GALNT13: variants seen among roughly 807,000 people sequenced by gnomAD.
GALNT13 encodes polypeptide N-acetylgalactosaminyltransferase 13.
Under a neutral mutation model 64.2 loss-of-function variants are expected in GALNT13, and 28 were observed. That is an observed-to-expected ratio of 0.44 (90% confidence interval 0.32 to 0.60). The LOEUF (loss-of-function observed/expected upper bound fraction) is 0.60. Ranked by LOEUF, GALNT13 falls within the 20% of genes least tolerant of loss-of-function variation. The pLI is 0.05. For missense variants in GALNT13, 577 were observed against 669.8 expected (o/e 0.86, Z 1.53); for synonymous variants, 214 against 224.6 (o/e 0.95, Z 0.42).
At chr2:154,244,900 C>T (rs1482530891) in intron 6 of GALNT13, among the ~76,000 whole-genome samples, 2 of 151,988 alleles carry the variant, frequency 1.3e-5, no homozygotes, top group African/African-American at 2.4e-5. Flanking sequence ...GCAGGTGGAT[C>T]ACCTGAGGTC....
chr2:153,085,807 G>A, the GALNT13 span, among the ~76,000 whole-genome samples: 1 of 152,088 alleles, frequency 6.6e-6, no homozygotes, highest in Admixed American at 6.5e-5. Flanking sequence ...TGTGAGAAGA[G>A]GGCCACTATT....
chr2:154,431,579 T>C (rs1174519360), intron 11 of GALNT13, among the ~76,000 whole-genome samples: 1 of 152,160 alleles, frequency 6.6e-6, no homozygotes, highest in Non-Finnish European at 1.5e-5. Flanking sequence ...TTGGACATTC[T>C]CCCTAAAAAG....
chr2:153,086,250 G>A, the GALNT13 span, among the ~76,000 whole-genome samples: 2 of 152,262 alleles, frequency 1.3e-5, no homozygotes, highest in Non-Finnish European at 2.9e-5. Context: ...GGACTTTTGA[G>A]TTAATGCTGA....
At chr2:153,143,028 G>A in the GALNT13 span, among the ~76,000 whole-genome samples, 12 of 151,880 alleles carry the variant, frequency 7.9e-5, no homozygotes, top group Admixed American at 7.9e-4. Context: ...AGCTTCAAAG[G>A]TGTGAATGGA....
rs1574332443 is a variant in GALNT13 at position 154,448,530 on chromosome 2, C to T, written c.1531-1881C>T. On this transcript the variant is annotated intron_variant, in intron 12 of 12. Coordinates refer to ENST00000392825, the MANE Select transcript of GALNT13 (RefSeq NM_052917.4). ...TGAGTCTAAAAGGTCTGGTTTTCCACTGCACTACATTATAAAGGAGAAGTA... is the reference window on the plus strand; with the variant it reads ...TGAGTCTAAAAGGTCTGGTTTTCCATTGCACTACATTATAAAGGAGAAGTA... Among the ~76,000 whole-genome samples, 2 of 152,034 alleles carry T rather than the reference C, an allele frequency of 1.3e-5. 1 individual carries two copies. The highest frequency in any genetic ancestry group is 4.1e-4 in the South Asian group (2 of 4,832).
chr2:153,187,798 G>A, the GALNT13 span, among the ~76,000 whole-genome samples: 3 of 152,188 alleles, frequency 2.0e-5, no homozygotes, highest in Non-Finnish European at 2.9e-5. Flanking sequence ...AGAAAATTAC[G>A]ATTCTGTATA....
chr2:153,821,459 C>T, the GALNT13 span, among the ~76,000 whole-genome samples: 1 of 152,064 alleles, frequency 6.6e-6, no homozygotes, highest in Non-Finnish European at 1.5e-5. Flanking sequence ...CACACAATTA[C>T]ATGCAAATTA....
the GALNT13 span, among the ~76,000 whole-genome samples, chr2:153,786,693 G>A: frequency 6.6e-6 from 1 of 151,934 alleles, no homozygotes; most frequent in Non-Finnish European, 1.5e-5. Flanking sequence ...CCCACTGGCT[G>A]AACACTCCCA....
At chr2:153,338,626 G>T in the GALNT13 span, among the ~76,000 whole-genome samples, 2 of 152,016 alleles carry the variant, frequency 1.3e-5, no homozygotes, top group Non-Finnish European at 2.9e-5. Flanking sequence ...TTTTGTGGTT[G>T]GAAGAACACT....
the GALNT13 span, among the ~76,000 whole-genome samples, chr2:153,842,371 A>G: frequency 1.2e-4 from 18 of 152,194 alleles, no homozygotes; most frequent in Non-Finnish European, 4.4e-5. Flanking sequence ...GGCTGGTGAG[A>G]AAAATATTGG....
intron 3 of GALNT13, among the ~76,000 whole-genome samples, chr2:154,119,774 TC>T (rs1236668187): frequency 6.6e-6 from 1 of 152,202 alleles, no homozygotes; most frequent in Non-Finnish European, 1.5e-5. Context: ...CCTATCTGAT[TC>T]TTTTTTATTG....
At chr2:153,458,841 T>C in the GALNT13 span, among the ~76,000 whole-genome samples, 1 of 152,208 alleles carries the variant, frequency 6.6e-6, no homozygotes, top group East Asian at 1.9e-4. Flanking sequence ...TGAAGTTTGC[T>C]CCAACAATTT....
chr2:154,410,178 A>ATGATTCCATTTATTGTTTCAC (rs1226515719), intron 11 of GALNT13, among the ~76,000 whole-genome samples: 1 of 151,974 alleles, frequency 6.6e-6, no homozygotes, highest in Non-Finnish European at 1.5e-5. Flanking sequence ...GCATTCAGAA[A>ATGATTCCATTTATTGTTTCAC]TGATTCCATT....
At chr2:153,421,136 A>C in the GALNT13 span, 1 of 256,656 alleles carries the variant, frequency 3.9e-6, no homozygotes, top group South Asian at 5.2e-5. Flanking sequence ...GCTCAAAGTG[A>C]GCACTGGTGA....
intron 9 of GALNT13, among the ~76,000 whole-genome samples, chr2:154,308,038 T>C (rs1693836090): frequency 6.6e-6 from 1 of 152,188 alleles, no homozygotes; most frequent in Non-Finnish European, 1.5e-5. Flanking sequence ...GCAGTTTTTA[T>C]ATAACACCCA....
the GALNT13 span, among the ~76,000 whole-genome samples, chr2:153,142,080 C>T: frequency 2.0e-4 from 31 of 152,154 alleles, no homozygotes; most frequent in East Asian, 5.8e-4. Flanking sequence ...TAATTTCTCA[C>T]GAACTGCTGA....
chr2:154,034,614 A>G (rs953010015), intron 3 of GALNT13, among the ~76,000 whole-genome samples: 25 of 152,040 alleles, frequency 1.6e-4, no homozygotes, highest in African/African-American at 5.8e-4. Context: ...AAGCTTTTCC[A>G]CTGTCCATTA....
rs866649053 is a variant in GALNT13, at chr2:154,206,252, C to G, written c.312-35778C>G. Among the ~76,000 whole-genome samples, 3 of 151,920 alleles carry G rather than the reference C, an allele frequency of 2.0e-5. 1 individual carries two copies. In the Middle Eastern group the frequency reaches 0.01, roughly 520 times the overall value. Reference sequence around the variant, plus strand: ...TCCTGACCTTGTGATCCGCCCGCCTCGGCCTCCCAAAGTGCTGGGATTACA... The same window carrying G: ...TCCTGACCTTGTGATCCGCCCGCCTGGGCCTCCCAAAGTGCTGGGATTACA... On this transcript the variant is annotated intron_variant, in intron 4 of 12. Coordinates refer to ENST00000392825, the MANE Select transcript of GALNT13 (RefSeq NM_052917.4).
chr2:154,248,741 T>C (rs1332148636), intron 7 of GALNT13, among the ~76,000 whole-genome samples: 2 of 152,150 alleles, frequency 1.3e-5, no homozygotes, highest in African/African-American at 4.8e-5. Context: ...AAACTGCCCA[T>C]GTAGAAATGG....
Sources: allele counts gnomAD v4.1 joint callset (sites outside exome capture counted in the v4.1 genomes callset), GRCh38; gene constraint gnomAD v4.1.1; transcripts MANE v1.5; gene names NCBI Gene and HGNC (gene_info 2026-07-23, HGNC 2026-07-21).